Variants in TMIGD1 observed in about 807,000 individuals in gnomAD.
TMIGD1 encodes transmembrane and immunoglobulin domain containing 1, also known as transmembrane and immunoglobulin domain-containing protein 1.
In TMIGD1, 29 loss-of-function variants were observed where a neutral mutation model predicts 27.5. The ratio of observed to expected loss-of-function variants is 1.05; its 90% confidence interval spans 0.78 to 1.44. The LOEUF (loss-of-function observed/expected upper bound fraction) is 1.44. Among genes scored for constraint, TMIGD1 ranks in the 40% most tolerant of loss-of-function variants. The pLI is 0.00. For missense variants in TMIGD1, 334 were observed against 310.6 expected (o/e 1.08, Z -0.57); for synonymous variants, 109 against 110.3 (o/e 0.99, Z 0.07).
chr17:30,321,041 A>G (rs1488591816), intron 4 of TMIGD1, among the ~76,000 whole-genome samples: 1 of 152,116 alleles, frequency 6.6e-6, no homozygotes, highest in African/African-American at 2.4e-5. Context: ...TATTTTAGGT[A>G]GAGACAGTGT....
At chr17:30,317,679 G>T (rs1223403692) in intron 5 of TMIGD1, among the ~76,000 whole-genome samples, 4 of 151,814 alleles carry the variant, frequency 2.6e-5, no homozygotes, top group Middle Eastern at 3.4e-3. Context: ...AGAATGGTGT[G>T]AACCTGGGAG....
At chr17:30,327,153 C>T (rs1406317855) in intron 3 of TMIGD1, among the ~76,000 whole-genome samples, 1 of 151,938 alleles carries the variant, frequency 6.6e-6, no homozygotes, top group East Asian at 1.9e-4. Context: ...AAACTGAAAA[C>T]AATTTCTTTA....
intron 5 of TMIGD1, 105 bp from the exon 6 acceptor site, chr17:30,317,338 C>G: frequency 2.5e-6 from 3 of 1,222,772 alleles, no homozygotes; most frequent in Non-Finnish European, 3.6e-6. Flanking sequence ...CCTGTGCACA[C>G]CTCTGCACTG....
intron 4 of TMIGD1, among the ~76,000 whole-genome samples, chr17:30,322,843 C>G (rs552594129): frequency 1.3e-5 from 2 of 152,170 alleles, no homozygotes; most frequent in Non-Finnish European, 2.9e-5. Context: ...ACTACCTTAC[C>G]CATTGGCTTG....
chr17:30,326,464 G>C (rs750745822), intron 3 of TMIGD1, among the ~76,000 whole-genome samples: 5 of 151,946 alleles, frequency 3.3e-5, no homozygotes, highest in Non-Finnish European at 7.4e-5. Flanking sequence ...TGTACCCATA[G>C]GAAATATATC....
Position 30,329,296 on chromosome 17 carries a change from C to T in TMIGD1, c.316G>A (p.Gly106Arg). 6.2e-7 allele frequency: 1 copy of T among 1,614,102 alleles called. No individual in the cohort carries two copies. The highest frequency in any genetic ancestry group is 8.5e-7 in the Non-Finnish European group (1 of 1,180,022). ...GAAACGGACACGGACTGATCCCTCC[C>T]CAGCCTGCAGGTAAAGCTGATTCCG... ...DNGISFTCRL[G>R]RDQSVSVSVV... Residue 106 changes from glycine to arginine, a missense_variant, in exon 3 of 7, where the codon GGG becomes AGG. Transcript: ENST00000328886.
chr17:30,322,690 A>G (rs1437442367), intron 4 of TMIGD1, among the ~76,000 whole-genome samples: 1 of 151,932 alleles, frequency 6.6e-6, no homozygotes, highest in East Asian at 1.9e-4. Context: ...TTTAGTAGAG[A>G]CGGGTTTCAC....
At chr17:30,327,086 A>G (rs1375307007) in intron 3 of TMIGD1, among the ~76,000 whole-genome samples, 1 of 151,788 alleles carries the variant, frequency 6.6e-6, no homozygotes, top group Non-Finnish European at 1.5e-5. Flanking sequence ...ACACTTAGCA[A>G]CAATGATATT....
intron 4 of TMIGD1, among the ~76,000 whole-genome samples, chr17:30,321,163 C>CTT (rs561331069): frequency 1.3e-4 from 19 of 142,314 alleles, no homozygotes; most frequent in South Asian, 4.5e-4. Context: ...TGGCCAACCC[C>CTT]TTTTTTTTTT....
At chr17:30,319,648 AT>A (rs1330693624) in intron 4 of TMIGD1, among the ~76,000 whole-genome samples, 2 of 151,878 alleles carry the variant, frequency 1.3e-5, no homozygotes, top group African/African-American at 4.8e-5. Flanking sequence ...TCCAAAATAT[AT>A]TGGGAAGTAT....
In TMIGD1 at chr17:30,317,230, A is replaced by T; in HGVS notation, c.748T>A (p.Cys250Ser). 6.2e-7 allele frequency: 1 copy of T among 1,614,054 alleles called. No homozygotes were observed. The highest frequency in any genetic ancestry group is 8.5e-7 in the Non-Finnish European group (1 of 1,179,962). The change falls in exon 6 of 7, where the codon TGC becomes AGC. Residue 250 changes from cysteine to serine, a missense_variant. Transcript: ENST00000328886. ...IARRKKIMKL[C>S]MKDKDPHSET... ...CTGTGAGGGTCTTTATCCTTCATGC[A>T]GAGCTAAAAGCAAACATGGCAGTAA...
intron 3 of TMIGD1, among the ~76,000 whole-genome samples, chr17:30,328,092 T>C (rs1438681282): frequency 6.6e-6 from 1 of 151,116 alleles, no homozygotes. Flanking sequence ...TGGAGTGCAG[T>C]GGTGGCATCT....
intron 3 of TMIGD1, among the ~76,000 whole-genome samples, chr17:30,328,878 C>T (rs1457854337): frequency 6.6e-6 from 1 of 150,512 alleles, no homozygotes; most frequent in African/African-American, 2.4e-5. Flanking sequence ...GCAGGAGAAT[C>T]GCTTGAACCC....
At position 30,329,259 on chromosome 17, in the gene TMIGD1, TTC is replaced by T; in HGVS notation, c.351_352del (p.Asn118CysfsTer16). 6.2e-7 allele frequency: 1 copy of T among 1,613,460 alleles called. No individual in the cohort carries two copies. Among genetic ancestry groups the T allele is most frequent in the Non-Finnish European group, 8.5e-7 (1 of 1,179,472 alleles). On this transcript the variant is annotated frameshift_variant, in exon 3 of 7. Transcript: ENST00000328886. LOFTEE classifies it high-confidence loss of function. The stretch of plus-strand genomic sequence containing the variant: ...CTTTTCCCCTCACTCACAAGTAACA[TTC>T]AGCACCACCGAAACGGACACGGACT...
At position 30,317,220 on chromosome 17, in the gene TMIGD1, T is replaced by A. The variant is rs768054935; in HGVS notation, c.758A>T (p.Asp253Val). The A allele has an allele frequency of 5.6e-6, 9 of 1,613,978 alleles. No individual in the cohort carries two copies. Among genetic ancestry groups the A allele is most frequent in the Non-Finnish European group, 7.6e-6 (9 of 1,179,992 alleles). Residue 253 changes from aspartate (D) to valine (V), a missense_variant, in exon 6 of 7, where the codon GAT becomes GTT. Coordinates refer to ENST00000328886, the MANE Select transcript of TMIGD1 (RefSeq NM_206832.3). ...AGCTGTTTCACTGTGAGGGTCTTTA[T>A]CCTTCATGCAGAGCTAAAAGCAAAC... ...RKKIMKLCMK[D>V]KDPHSETAL
At chr17:30,323,213 G>A (rs1256722653) in intron 4 of TMIGD1, among the ~76,000 whole-genome samples, 2 of 152,082 alleles carry the variant, frequency 1.3e-5, no homozygotes, top group Non-Finnish European at 1.5e-5. Context: ...ACTTTGGCAA[G>A]GGTAATTACA....
At chr17:30,326,135 T>G (rs1468322775) in intron 3 of TMIGD1, among the ~76,000 whole-genome samples, 2 of 152,222 alleles carry the variant, frequency 1.3e-5, no homozygotes, top group African/African-American at 4.8e-5. Flanking sequence ...TGAGCTCGAA[T>G]TCTGTATCAT....
At chr17:30,331,185 ACTT>A (rs756620208) in intron 2 of TMIGD1, among the ~76,000 whole-genome samples, 1 of 152,212 alleles carries the variant, frequency 6.6e-6, no homozygotes, top group Non-Finnish European at 1.5e-5. Flanking sequence ...ACAAAGTGAG[ACTT>A]CTTCTCAAAA....
rs192636699 is a variant in TMIGD1, at chr17:30,323,664, G to A, written c.640+1152C>T. Among the ~76,000 whole-genome samples the A allele has an allele frequency of 9.2e-5, 14 of 152,238 alleles. No homozygotes were observed. The East Asian group carries it at 2.7e-3, about 29-fold the overall frequency. On this transcript the variant is annotated intron_variant, in intron 4 of 6. Coordinates refer to ENST00000328886, the MANE Select transcript of TMIGD1 (RefSeq NM_206832.3). Reference sequence around the variant, plus strand: ...TTATGATTTCTTCTTAACCAGGAGGGATATAATTCCCTGGCCTGCAAGTGT... The same window carrying A: ...TTATGATTTCTTCTTAACCAGGAGGAATATAATTCCCTGGCCTGCAAGTGT...
Sources: gnomAD v4.1 joint callset for allele counts (sites outside exome capture counted in the v4.1 genomes callset) on GRCh38, gnomAD v4.1.1 for gene constraint, MANE v1.5 for transcripts, NCBI Gene and HGNC (gene_info 2026-07-23, HGNC 2026-07-21) for gene names.